Variants in ARFGAP2 observed in about 807,000 individuals in gnomAD.
ARFGAP2 encodes ARF GTPase activating protein 2, also known as ADP-ribosylation factor GTPase-activating protein 2.
Under a neutral mutation model 71.9 loss-of-function variants are expected in ARFGAP2, and 45 were observed. That is an observed-to-expected ratio of 0.63 (90% CI 0.49 to 0.80). The LOEUF (loss-of-function observed/expected upper bound fraction) is 0.80. Among genes scored for constraint, ARFGAP2 ranks in the 30% least tolerant of loss-of-function variants. The pLI is 0.00. For missense variants in ARFGAP2, 633 were observed against 673.9 expected (o/e 0.94, Z 0.67); for synonymous variants, 248 against 249.2 (o/e 1.00, Z 0.05).
Position 47,167,560 on chromosome 11 carries a change from C to T in ARFGAP2, c.1205+349G>A, listed in dbSNP as rs529261237. ...ACTGAAGCATACAATCAGGCTCCTCCGGCCAGAGAAATGGACCCCAAGCAA... is the reference window on the plus strand; with the variant it reads ...ACTGAAGCATACAATCAGGCTCCTCTGGCCAGAGAAATGGACCCCAAGCAA... On this transcript the variant is annotated intron_variant, in intron 12 of 15. Coordinates refer to ENST00000524782, the MANE Select transcript of ARFGAP2 (RefSeq NM_032389.6). Among the ~76,000 whole-genome samples the T allele has an allele frequency of 8.5e-5, 13 of 152,252 alleles. No homozygotes were observed. In the East Asian group the frequency reaches 1.3e-3, roughly 16 times the overall value.
intron 10 of ARFGAP2, among the ~76,000 whole-genome samples, chr11:47,170,728 T>C (rs1364469431): frequency 1.3e-5 from 2 of 152,118 alleles, no homozygotes; most frequent in South Asian, 4.1e-4. Context: ...GCCAAGGTAC[T>C]TAAACCCAGG....
chr11:47,172,753 TG>T (rs1395920539), intron 7 of ARFGAP2: 9 of 1,293,190 alleles, frequency 7.0e-6, no homozygotes, highest in Non-Finnish European at 9.1e-6. Context: ...ACACGGACTC[TG>T]GAGGAGAAAC....
intron 7 of ARFGAP2, chr11:47,173,193 G>A: frequency 1.8e-6 from 1 of 557,976 alleles, no homozygotes; most frequent in South Asian, 2.0e-5. Flanking sequence ...ACACTCAGAG[G>A]CAGACCCCAG....
At chr11:47,168,433 G>T in intron 10 of ARFGAP2, 182 bp from the exon 11 acceptor site, 1 of 690,656 alleles carries the variant, frequency 1.4e-6, no homozygotes, top group Non-Finnish European at 2.4e-6. Flanking sequence ...GGTGACCTGT[G>T]AAGCACACCT....
In ARFGAP2 at chr11:47,176,505, G is replaced by A; in HGVS notation, c.191+11C>T. 2 of 1,611,956 alleles carry A rather than the reference G, an allele frequency of 1.2e-6. No homozygotes were observed. The highest frequency in any genetic ancestry group is 1.7e-6 in the Non-Finnish European group (2 of 1,179,206). On this transcript the variant is annotated intron_variant, in intron 2 of 15. Coordinates refer to ENST00000524782, the MANE Select transcript of ARFGAP2 (RefSeq NM_032389.6). ...CCGGGTGGAAACACGGCAACCGCGC[G>A]GAGAGCCTACCTGATGAAGCTCAGA...
chr11:47,175,284 T>A lies in ARFGAP2; in HGVS notation c.294A>T (p.Thr98=). 1 of 1,614,154 alleles carries A rather than the reference T, an allele frequency of 6.2e-7. No homozygotes were observed. Among genetic ancestry groups the A allele is most frequent in the African/African-American group, 1.3e-5 (1 of 75,040 alleles). ...ATAFFRQHGC[T]ANDANTKYNS... Reference sequence around the variant, plus strand: ...TATATTTGGTGTTGGCATCATTGGCTGTGCATCCATGTTGGCGAAAAAAAG... The same window carrying A: ...TATATTTGGTGTTGGCATCATTGGCAGTGCATCCATGTTGGCGAAAAAAAG... The change falls in exon 4 of 16, where the codon ACA becomes ACT. Residue 98 remains threonine, a synonymous_variant. Coordinates refer to ENST00000524782, the MANE Select transcript of ARFGAP2 (RefSeq NM_032389.6).
intron 6 of ARFGAP2, 23 bp downstream of exon 6, chr11:47,173,736 G>C: frequency 6.3e-7 from 1 of 1,580,828 alleles, no homozygotes; most frequent in Non-Finnish European, 8.6e-7. Flanking sequence ...AGGGCACCTG[G>C]TTGGAATCTG....
At position 47,167,970 on chromosome 11, in the gene ARFGAP2, C is replaced by T; in HGVS notation, c.1144G>A (p.Asp382Asn). ...TCTGGCTCCTTCTCCTCTACCCTGT[C>T]CATACCCCAGGCAGCATCTGTATCC... Reference protein sequence around the residue: ...RWDTDAAWGMDRVEEKEPEVT... With the variant: ...RWDTDAAWGMNRVEEKEPEVT... Residue 382 changes from aspartate to asparagine, a missense_variant, in exon 12 of 16, where the codon GAC (aspartate) becomes AAC (asparagine). Physicochemically the swap from Asp to Asn is conservative, Grantham distance 23. Transcript: ENST00000524782. 2 of 1,614,076 alleles carry T rather than the reference C, an allele frequency of 1.2e-6. No individual in the cohort carries two copies. The highest frequency in any genetic ancestry group is 1.1e-5 in the South Asian group (1 of 91,076).
At chr11:47,174,634 A>T (rs929480527) in intron 5 of ARFGAP2, 20 of 199,564 alleles carry the variant, frequency 1.0e-4, no homozygotes, top group Non-Finnish European at 1.7e-4. Flanking sequence ...TGACCTCATG[A>T]TCCACCCGCC....
intron 10 of ARFGAP2, among the ~76,000 whole-genome samples, chr11:47,169,820 C>CT (rs1285111445): frequency 6.6e-6 from 1 of 152,128 alleles, no homozygotes; most frequent in Non-Finnish European, 1.5e-5. Context: ...GATTGAAACT[C>CT]TGTCTCAAAT....
rs1422936717 is a variant in ARFGAP2 at position 47,173,474 on chromosome 11, G to A, written c.571C>T (p.His191Tyr). The A allele has an allele frequency of 1.9e-6, 3 of 1,557,774 alleles. No homozygotes were observed. Among genetic ancestry groups the A allele is most frequent in the Admixed American group, 1.9e-5 (1 of 52,122 alleles). ...TESSGLAQPEHGPNTDLLGTS... is the reference protein window; with the variant it reads ...TESSGLAQPEYGPNTDLLGTS... ...CCAAGCAGGTCTGTGTTGGGGCCATGCTCCGGCTCTGTGGATGCAATGGTA... is the reference window on the plus strand; with the variant it reads ...CCAAGCAGGTCTGTGTTGGGGCCATACTCCGGCTCTGTGGATGCAATGGTA... The change falls in exon 7 of 16, where the codon CAT (histidine) becomes TAT (tyrosine). Residue 191 changes from histidine (H) to tyrosine (Y), a missense_variant. By Grantham distance (83) the His-to-Tyr change is moderately conservative. Coordinates refer to ENST00000524782, the MANE Select transcript of ARFGAP2 (RefSeq NM_032389.6).
chr11:47,166,157 C>A, intron 15 of ARFGAP2, 111 bp downstream of exon 15: 2 of 1,119,804 alleles, frequency 1.8e-6, no homozygotes, highest in East Asian at 2.4e-5. Flanking sequence ...CCACCACACC[C>A]GGCCGAAAAT....
Position 47,168,236 on chromosome 11 carries a change from G to T in ARFGAP2, c.957C>A (p.Ser319=). The change falls in exon 11 of 16, where the codon TCC becomes TCA. Residue 319 remains serine (S), a synonymous_variant. Transcript: ENST00000524782. ...CAATCACCTGCATCTCAGACAGCAC[G>T]GAGTGGGAGACAGAGCTGCGCAGCA... ...GLVSRSSVSH[S]VLSEMQVIEQ... 2 of 1,614,182 alleles carry T rather than the reference G, an allele frequency of 1.2e-6. No homozygotes were observed. The highest frequency in any genetic ancestry group is 1.1e-5 in the South Asian group (1 of 91,068).
In ARFGAP2 at chr11:47,173,616, C is replaced by T. The variant is rs1952680593; in HGVS notation, c.563-134G>A. On this transcript the variant is annotated intron_variant, in intron 6 of 15. Coordinates refer to ENST00000524782, the MANE Select transcript of ARFGAP2 (RefSeq NM_032389.6). ...AAGATAAAAGGAATATCTACCACTT[C>T]CTCCAAGGATTAAAATGAATCCCGG... 1.4e-5 allele frequency: 19 copies of T among 1,404,216 alleles called. No individual in the cohort carries two copies. In the South Asian group the frequency reaches 2.4e-4, roughly 18 times the overall value. 87.0% of individuals were successfully genotyped at this position (1,404,216 alleles called of 1,614,324 possible).
intron 10 of ARFGAP2, 53 bp downstream of exon 10, chr11:47,171,373 T>G: frequency 6.2e-7 from 1 of 1,606,404 alleles, no homozygotes; most frequent in East Asian, 2.2e-5. Context: ...GGCCCCGCAA[T>G]GGTTCCCAGA....
chr11:47,175,688 A>G, intron 3 of ARFGAP2, 163 bp downstream of exon 3: 2 of 764,556 alleles, frequency 2.6e-6, no homozygotes, highest in Non-Finnish European at 4.3e-6. Flanking sequence ...CCCATTTAAG[A>G]GAAGCTGTGA....
chr11:47,172,043 G>T, intron 8 of ARFGAP2: 1 of 708,942 alleles, frequency 1.4e-6, no homozygotes, highest in Non-Finnish European at 2.3e-6. Flanking sequence ...GGCCAAGTAT[G>T]TGCCAAGCAC....
Position 47,166,264 on chromosome 11 carries a change from T to C in ARFGAP2, c.1545+4A>G. 6.2e-7 allele frequency: 1 copy of C among 1,614,068 alleles called. No homozygotes were observed. Among genetic ancestry groups the C allele is most frequent in the Non-Finnish European group, 8.5e-7 (1 of 1,179,948 alleles). On this transcript the variant is annotated splice_donor_region_variant and intron_variant, in intron 15 of 15. Coordinates refer to ENST00000524782, the MANE Select transcript of ARFGAP2 (RefSeq NM_032389.6). ...CTCCTCATTAGGCCCCACTTCAGCC[T>C]CACCTGCAAGGAATTCATCACACCA...
chr11:47,172,364 G>A (rs753114161), intron 7 of ARFGAP2, 31 bp from the exon 8 acceptor site: 1 of 1,612,992 alleles, frequency 6.2e-7, no homozygotes, highest in Non-Finnish European at 8.5e-7. Context: ...CATGAGCTAA[G>A]ACAAAGGCAG....
Sources: allele counts gnomAD v4.1 joint callset (sites outside exome capture counted in the v4.1 genomes callset), GRCh38; gene constraint gnomAD v4.1.1; transcripts MANE v1.5; gene names NCBI Gene and HGNC (gene_info 2026-07-23, HGNC 2026-07-21).